Variants in PIK3CB observed in about 807,000 individuals in gnomAD.
The protein encoded by PIK3CB is phosphatidylinositol 4,5-bisphosphate 3-kinase catalytic subunit beta isoform.
Under a neutral mutation model 136.8 loss-of-function variants are expected in PIK3CB, and 39 were observed. The ratio of observed to expected loss-of-function variants is 0.29; its 90% CI spans 0.22 to 0.37. PIK3CB has a LOEUF of 0.37. PIK3CB is among the 10% of genes least tolerant of loss of function. The pLI, the probability that PIK3CB is intolerant of heterozygous loss-of-function variation, is 1.00. For synonymous variants in PIK3CB, 428 were observed against 436.6 expected (o/e 0.98, Z 0.25); for missense variants, 868 against 1,275.4 (o/e 0.68, Z 4.87).
chr3:138,738,602 T>A (rs2045167167), intron 5 of PIK3CB, among the ~76,000 whole-genome samples: 2 of 152,178 alleles, frequency 1.3e-5, no homozygotes, highest in Admixed American at 1.3e-4. Flanking sequence ...GACATGTAAA[T>A]AGAAACATAT....
intron 19 of PIK3CB, among the ~76,000 whole-genome samples, chr3:138,679,039 C>A (rs771658941): frequency 2.6e-5 from 4 of 152,016 alleles, no homozygotes; most frequent in Non-Finnish European, 5.9e-5. Flanking sequence ...ACACTCCAGC[C>A]TGGGTGACAG....
intron 1 of PIK3CB, among the ~76,000 whole-genome samples, chr3:138,799,622 C>T (rs2046149692): frequency 6.6e-6 from 1 of 151,952 alleles, no homozygotes; most frequent in South Asian, 2.1e-4. Flanking sequence ...AATGACCTAC[C>T]CTATATGATC....
chr3:138,818,625 A>AG (rs1933433792), intron 1 of PIK3CB, among the ~76,000 whole-genome samples: 1 of 152,018 alleles, frequency 6.6e-6, no homozygotes, highest in Non-Finnish European at 1.5e-5. Context: ...TTACACCCTT[A>AG]TCCTACACAC....
intron 1 of PIK3CB, chr3:138,825,306 G>T (rs890874258): frequency 4.1e-6 from 2 of 484,644 alleles, no homozygotes; most frequent in Non-Finnish European, 3.8e-6. Context: ...TGCTGGTGTC[G>T]GAGAATTTAA....
At chr3:138,783,355 C>G (rs1397284855) in intron 2 of PIK3CB, among the ~76,000 whole-genome samples, 2 of 151,452 alleles carry the variant, frequency 1.3e-5, no homozygotes, top group Non-Finnish European at 1.5e-5. Context: ...AATCATAGTT[C>G]ACTGCATCGT....
At chr3:138,656,347 G>C (rs2108386781) in intron 22 of PIK3CB, 73 bp from the exon 23 acceptor site, 2 of 1,482,808 alleles carry the variant, frequency 1.3e-6, no homozygotes, top group Non-Finnish European at 1.9e-6. Context: ...AGGAAATTAA[G>C]AAAACACAGC....
Position 138,834,865 on chromosome 3 carries a change from C to G in PIK3CB, c.-292G>C, listed in dbSNP as rs1163519565. The G allele has an allele frequency of 6.6e-6, 1 of 151,976 alleles. No homozygotes were observed. Among genetic ancestry groups the G allele is most frequent in the African/African-American group, 2.4e-5 (1 of 41,350 alleles). The allele number at this position is 151,976 out of a possible 1,614,324, so 9.4% of individuals were successfully genotyped here. ...CCCTCCCCACTGCCATGGCCCGCTC[C>G]GCCGCAGCGCCGCACAGGCCGACAG... On this transcript the variant is annotated 5_prime_UTR_variant, in exon 1 of 24. Coordinates refer to ENST00000674063, the MANE Select transcript of PIK3CB (RefSeq NM_006219.3).
chr3:138,690,130 G>GA (rs1432240815), intron 15 of PIK3CB, among the ~76,000 whole-genome samples: 1 of 150,380 alleles, frequency 6.6e-6, no homozygotes, highest in Admixed American at 6.6e-5. Context: ...AAAAAGAGTG[G>GA]AAAAAAATAT....
In PIK3CB at chr3:138,816,068, G is replaced by A. The variant is rs185222810; in HGVS notation, c.-122+18627C>T. Reference sequence around the variant, plus strand: ...TGTAATCCCAGCACTTTGGGAGACCGAGGCAGGTGGATCACTTGAGCTCAG... The same window carrying A: ...TGTAATCCCAGCACTTTGGGAGACCAAGGCAGGTGGATCACTTGAGCTCAG... On this transcript the variant is annotated intron_variant, in intron 1 of 23. Transcript: ENST00000674063. Among the ~76,000 whole-genome samples, 23 of 152,066 alleles carry A rather than the reference G, an allele frequency of 1.5e-4. No homozygotes were observed. In the East Asian group the frequency reaches 3.5e-3, roughly 23 times the overall value.
chr3:138,787,263 G>T (rs2045990844), intron 2 of PIK3CB, among the ~76,000 whole-genome samples: 1 of 151,818 alleles, frequency 6.6e-6, no homozygotes, highest in Non-Finnish European at 1.5e-5. Flanking sequence ...CTACTCAGGA[G>T]GCTGAGGCAG....
At chr3:138,705,199 A>AAAAAAAAAT (rs1559828867) in intron 11 of PIK3CB, among the ~76,000 whole-genome samples, 1 of 143,260 alleles carries the variant, frequency 7.0e-6, no homozygotes, top group Admixed American at 7.2e-5. Context: ...ACAAAAAAAA[A>AAAAAAAAAT]AACTTATATT....
intron 10 of PIK3CB, among the ~76,000 whole-genome samples, chr3:138,711,578 G>A (rs1306079936): frequency 4.5e-5 from 1 of 21,990 alleles, no homozygotes; most frequent in Non-Finnish European, 7.9e-5. Flanking sequence ...AAACTCCGTC[G>A]CAAAAAAAAA....
intron 3 of PIK3CB, among the ~76,000 whole-genome samples, chr3:138,757,339 G>A (rs2108727529): frequency 6.6e-6 from 1 of 152,110 alleles, no homozygotes; most frequent in South Asian, 2.1e-4. Context: ...AGGAGGCGGA[G>A]GTTGCAGTAA....
chr3:138,671,559 C>T (rs1329014950), intron 19 of PIK3CB, among the ~76,000 whole-genome samples: 1 of 152,178 alleles, frequency 6.6e-6, no homozygotes, highest in African/African-American at 2.4e-5. Context: ...ACAGCAGTGG[C>T]TCAGGAAGTT....
rs140822740 is a variant in PIK3CB, at chr3:138,660,089, A to G, written c.2797-2254T>C. ...TTTATCATATTTTTTGGAGATATTAAGGCATGGTGGATTAAAAAAAAAGAA... is the reference window on the plus strand; with the variant it reads ...TTTATCATATTTTTTGGAGATATTAGGGCATGGTGGATTAAAAAAAAAGAA... On this transcript the variant is annotated intron_variant, in intron 21 of 23. Transcript: ENST00000674063. Among the ~76,000 whole-genome samples the G allele has an allele frequency of 1.6e-3, 241 of 151,620 alleles. 1 individual carries two copies. The highest frequency in any genetic ancestry group is 5.7e-3 in the African/African-American group (235 of 41,392).
chr3:138,707,303 A>G lies in PIK3CB; in HGVS notation c.1400-14T>C, dbSNP rs1454667722. The G allele has an allele frequency of 6.3e-7, 1 of 1,584,914 alleles. No homozygotes were observed. Among genetic ancestry groups the G allele is most frequent in the East Asian group, 2.3e-5 (1 of 44,300 alleles). ...CTTCGAGTTCATCTAAAACATGCAA[A>G]TAATTTTGGTTCTTAAAAAATGTCT... On this transcript the variant is annotated splice_polypyrimidine_tract_variant and intron_variant, in intron 10 of 23. Transcript: ENST00000674063.
intron 21 of PIK3CB, among the ~76,000 whole-genome samples, chr3:138,661,765 C>T (rs1204890541): frequency 6.6e-6 from 1 of 152,126 alleles, no homozygotes; most frequent in Non-Finnish European, 1.5e-5. Flanking sequence ...ACTGTGGGTC[C>T]CTCATAGAAC....
At chr3:138,816,531 G>A (rs1351972115) in intron 1 of PIK3CB, among the ~76,000 whole-genome samples, 2 of 151,978 alleles carry the variant, frequency 1.3e-5, no homozygotes, top group African/African-American at 4.8e-5. Flanking sequence ...GAGGCCAGAG[G>A]TTGCAGTGAG....
In PIK3CB at chr3:138,705,155, C is replaced by CAAAA. The variant is rs1312893752; in HGVS notation, c.1531-666_1531-663dup. Among the ~76,000 whole-genome samples the CAAAA allele has an allele frequency of 3.8e-3, 112 of 29,808 alleles. 12 individuals carry two copies. The highest frequency in any genetic ancestry group is 4.7e-3 in the Non-Finnish European group (83 of 17,684). The allele number at this position is 29,808 out of a possible 152,430, so 19.6% of individuals were successfully genotyped here. ...AAGACTCTCCAAGAGATTAGAAAGG[C>CAAAA]AAAAAAAAAAAAAAAAAACAAAAAA... On this transcript the variant is annotated intron_variant, in intron 11 of 23. Coordinates refer to ENST00000674063, the MANE Select transcript of PIK3CB (RefSeq NM_006219.3).
Sources: gnomAD v4.1 joint callset for allele counts (sites outside exome capture counted in the v4.1 genomes callset) on GRCh38, gnomAD v4.1.1 for gene constraint, MANE v1.5 for transcripts, NCBI Gene and HGNC (gene_info 2026-07-23, HGNC 2026-07-21) for gene names.